The following KCNIP4 variants were observed in gnomAD, a reference collection of about 807,000 sequenced individuals.
KCNIP4 encodes the protein potassium voltage-gated channel interacting protein 4.
In KCNIP4, 12 loss-of-function variants were observed where a neutral mutation model predicts 34.0. The ratio of observed to expected loss-of-function variants is 0.35; its 90% CI spans 0.23 to 0.57. KCNIP4 has a LOEUF of 0.57. KCNIP4 is among the 20% of genes least tolerant of loss of function. The pLI is 0.83. For missense variants in KCNIP4, 238 were observed against 311.7 expected, an observed-to-expected ratio of 0.76 and a Z score of 1.78; for synonymous variants, 124 against 102.2, an observed-to-expected ratio of 1.21 and a Z score of -1.29.
intron 1 of KCNIP4, among the ~76,000 whole-genome samples, chr4:21,493,207 C>G (rs1017032286): frequency 6.6e-6 from 1 of 152,198 alleles, no homozygotes; most frequent in Middle Eastern, 3.4e-3. Flanking sequence ...CCTCTAGTAA[C>G]AGCTCGTGCA....
intron 1 of KCNIP4, among the ~76,000 whole-genome samples, chr4:21,352,416 C>G (rs1718100221): frequency 6.6e-6 from 1 of 152,222 alleles, no homozygotes. Context: ...ATGGGACACT[C>G]TCACCCAAAT....
chr4:21,446,054 CA>C (rs1727957657), intron 1 of KCNIP4, among the ~76,000 whole-genome samples: 1 of 152,156 alleles, frequency 6.6e-6, no homozygotes, highest in Non-Finnish European at 1.5e-5. Context: ...CAGAGAAATG[CA>C]AATCAAAACC....
At chr4:21,694,943 A>ACAAAAAAC (rs750598606) in intron 1 of KCNIP4, among the ~76,000 whole-genome samples, 2 of 45,338 alleles carry the variant, frequency 4.4e-5, no homozygotes, top group African/African-American at 1.1e-4. Flanking sequence ...AAAATAAATA[A>ACAAAAAAC]ATAAATAAAG....
chr4:20,773,614 A>G (rs554628370), intron 3 of KCNIP4, among the ~76,000 whole-genome samples: 6 of 152,330 alleles, frequency 3.9e-5, no homozygotes, highest in East Asian at 3.9e-4. Flanking sequence ...AGTGTCCTCC[A>G]TGATAGCTAG....
At chr4:21,545,891 A>G (rs1028327271) in intron 1 of KCNIP4, among the ~76,000 whole-genome samples, 1 of 152,146 alleles carries the variant, frequency 6.6e-6, no homozygotes, top group African/African-American at 2.4e-5. Context: ...TCTCTAAGGT[A>G]TATACCCAGT....
chr4:21,528,208 T>C (rs188634832), intron 1 of KCNIP4, among the ~76,000 whole-genome samples: 199 of 152,300 alleles, frequency 1.3e-3, no homozygotes, highest in Middle Eastern at 6.8e-3. Flanking sequence ...TACTTTAAAC[T>C]ACTTTGCAGT....
intron 1 of KCNIP4, among the ~76,000 whole-genome samples, chr4:21,058,389 A>G (rs559105504): frequency 6.6e-6 from 1 of 152,086 alleles, no homozygotes; most frequent in African/African-American, 2.4e-5. Flanking sequence ...TGCAGGAATT[A>G]AAGGGGCAGC....
chr4:21,227,105 T>C (rs1349128548), intron 1 of KCNIP4, among the ~76,000 whole-genome samples: 3 of 152,232 alleles, frequency 2.0e-5, no homozygotes, highest in Non-Finnish European at 4.4e-5. Flanking sequence ...GTAGATCAAG[T>C]GTAACAACAA....
At chr4:21,297,599 G>A (rs568883303) in intron 1 of KCNIP4, among the ~76,000 whole-genome samples, 7 of 151,968 alleles carry the variant, frequency 4.6e-5, no homozygotes, top group East Asian at 1.9e-4. Context: ...AGTTCATTTC[G>A]TCTCTCTGGG....
chr4:20,955,807 C>T (rs1032901268), intron 1 of KCNIP4, among the ~76,000 whole-genome samples: 1 of 152,194 alleles, frequency 6.6e-6, no homozygotes, highest in African/African-American at 2.4e-5. Context: ...TAAATTCACA[C>T]ATCTATGGGA....
chr4:20,882,539 A>G (rs1252453455), intron 2 of KCNIP4, 69 bp downstream of exon 2: 3 of 910,372 alleles, frequency 3.3e-6, no homozygotes, highest in Middle Eastern at 2.2e-4. Context: ...GAGAACGGCA[A>G]TGCATGCAGG....
In KCNIP4 at chr4:21,129,813, T is replaced by C. The variant is rs73805003; in HGVS notation, c.62-247104A>G. Among the ~76,000 whole-genome samples, 566 of 152,134 alleles carry C rather than the reference T, an allele frequency of 3.7e-3. 4 individuals are homozygous for C. Among genetic ancestry groups the C allele is most frequent in the African/African-American group, 0.012 (517 of 41,492 alleles). ...CGCTAAGTTTGCTATTTAAAATGTG[T>C]CTGATAAAAGTTGATGTTCTTGGGA... On this transcript the variant is annotated intron_variant, in intron 1 of 8. Transcript: ENST00000382152.
chr4:21,333,338 T>C (rs1171036306), intron 1 of KCNIP4, among the ~76,000 whole-genome samples: 5 of 151,854 alleles, frequency 3.3e-5, no homozygotes, highest in Non-Finnish European at 7.4e-5. Context: ...TCTAAAAAAA[T>C]GTGTGTTGAC....
At chr4:20,823,359 T>C (rs1402195148) in intron 3 of KCNIP4, among the ~76,000 whole-genome samples, 2 of 152,112 alleles carry the variant, frequency 1.3e-5, no homozygotes, top group Non-Finnish European at 2.9e-5. Flanking sequence ...CATTGAAGAA[T>C]GTAAGTAGAG....
intron 1 of KCNIP4, among the ~76,000 whole-genome samples, chr4:21,641,507 T>C (rs113661685): frequency 5.8e-4 from 89 of 152,304 alleles, no homozygotes; most frequent in African/African-American, 1.9e-3. Context: ...TGGCCAATGA[T>C]GGTTTCTCTG....
At position 21,670,591 on chromosome 4, in the gene KCNIP4, T is replaced by A. The variant is rs183288322; in HGVS notation, c.61+277980A>T. Among the ~76,000 whole-genome samples the A allele has an allele frequency of 3.9e-3, 588 of 152,252 alleles. 2 individuals are homozygous for A. Among genetic ancestry groups the A allele is most frequent in the African/African-American group, 0.013 (560 of 41,548 alleles). ...TATAATAAAAAAAAAATCGATCATA[T>A]TGAAGTTCAGTTTTGTACTTTAACA... On this transcript the variant is annotated intron_variant, in intron 1 of 8. Transcript: ENST00000382152.
intron 1 of KCNIP4, among the ~76,000 whole-genome samples, chr4:21,129,889 T>TAAA (rs11384657): frequency 0.2 from 29,381 of 149,348 alleles, 2,910 homozygotes; most frequent in Non-Finnish European, 0.22. Flanking sequence ...GCAGAAATGT[T>TAAA]AAAAAAAAAA....
intron 1 of KCNIP4, among the ~76,000 whole-genome samples, chr4:21,060,477 C>T (rs957716897): frequency 1.3e-5 from 2 of 152,100 alleles, no homozygotes; most frequent in African/African-American, 4.8e-5. Context: ...CATTGCATTC[C>T]TCAGTTAAAG....
intron 1 of KCNIP4, among the ~76,000 whole-genome samples, chr4:21,932,973 G>C (rs534588222): frequency 6.8e-6 from 1 of 146,386 alleles, no homozygotes. Flanking sequence ...CTAGACACCA[G>C]ATGACTAATT....
Sources: gnomAD v4.1 joint callset for allele counts (sites outside exome capture counted in the v4.1 genomes callset) on GRCh38, gnomAD v4.1.1 for gene constraint, MANE v1.5 for transcripts, NCBI Gene and HGNC (gene_info 2026-07-23, HGNC 2026-07-21) for gene names.